SIM2: variants seen among roughly 807,000 people sequenced by gnomAD.
The protein encoded by SIM2 is single-minded homolog 2.
A neutral mutation model predicts 64.8 loss-of-function variants in SIM2; 28 were observed. The observed-to-expected ratio is 0.43, with a 90% confidence interval of 0.32 to 0.59. The LOEUF is 0.59. Ranked by LOEUF, SIM2 falls within the 20% of genes least tolerant of loss-of-function variation. The pLI is 0.07. For synonymous variants in SIM2, 408 were observed against 391.1 expected, an observed-to-expected ratio of 1.04 and a Z score of -0.51; for missense variants, 847 against 871.4, an observed-to-expected ratio of 0.97 and a Z score of 0.35.
In SIM2 at chr21:36,741,827, C is replaced by T. The variant is rs1364208218; in HGVS notation, c.961C>T (p.Arg321Trp). Residue 321 changes from arginine (R) to tryptophan (W), a missense_variant, in exon 8 of 11, where the codon CGG (arginine) becomes TGG (tryptophan). Coordinates refer to ENST00000290399, the MANE Select transcript of SIM2 (RefSeq NM_005069.6). The stretch of plus-strand genomic sequence containing the variant: ...CGTGGTGCACAACAGCCGCTCGTCC[C>T]GGCCCCACTGCATCGTGAGTGTCAA... ...ATVVHNSRSS[R>W]PHCIVSVNYV... 6.8e-6 allele frequency: 11 copies of T among 1,606,782 alleles called. No homozygotes were observed. The highest frequency in any genetic ancestry group is 2.7e-5 in the African/African-American group (2 of 74,978).
intron 7 of SIM2, among the ~76,000 whole-genome samples, chr21:36,741,071 A>G (rs2089152849): frequency 6.6e-6 from 1 of 152,186 alleles, no homozygotes; most frequent in Admixed American, 6.5e-5. Flanking sequence ...TGGAGTTTGC[A>G]CCCAAGCATA....
chr21:36,723,276 C>T, intron 5 of SIM2, 146 bp downstream of exon 5: 2 of 664,264 alleles, frequency 3.0e-6, no homozygotes, highest in Non-Finnish European at 5.4e-6. Context: ...TGCACAGTCT[C>T]TTGGAGGCTC....
intron 7 of SIM2, among the ~76,000 whole-genome samples, chr21:36,739,090 T>C (rs1478289427): frequency 1.3e-5 from 2 of 151,878 alleles, no homozygotes; most frequent in Non-Finnish European, 2.9e-5. Flanking sequence ...TCCTCCTCGT[T>C]GGAAATTTAG....
rs2089217857 is a variant in SIM2, at chr21:36,745,431, G to A, written c.1576+295G>A. The A allele has an allele frequency of 7.8e-6, 10 of 1,278,106 alleles. No individual in the cohort carries two copies. In the South Asian group the frequency reaches 1.1e-4, roughly 14 times the overall value. The allele number at this position is 1,278,106 out of a possible 1,614,324, so 79.2% of individuals were successfully genotyped here. On this transcript the variant is annotated intron_variant, in intron 10 of 10. Coordinates refer to ENST00000290399, the MANE Select transcript of SIM2 (RefSeq NM_005069.6). This position sits in a 1 kb window ranked among gnomAD's most constrained non-coding sequence, Gnocchi z 4.8. ...CTGGCCACATTCACCAACCAAAGGG[G>A]GACAGTGATTTTCAAAACCAGCTCC...
chr21:36,728,054 C>T (rs993761213), intron 6 of SIM2, among the ~76,000 whole-genome samples: 3 of 152,126 alleles, frequency 2.0e-5, no homozygotes, highest in East Asian at 3.9e-4. Context: ...CGGCCAAGAG[C>T]GACAAATGCC....
chr21:36,701,610 G>A (rs2088498996), intron 1 of SIM2: 1 of 152,500 alleles, frequency 6.6e-6, no homozygotes, highest in African/African-American at 2.4e-5. Context: ...GCCCAGGGCA[G>A]GTTCCTCCCT....
At chr21:36,734,213 C>G (rs1252667456) in intron 7 of SIM2, among the ~76,000 whole-genome samples, 1 of 152,184 alleles carries the variant, frequency 6.6e-6, no homozygotes, top group East Asian at 1.9e-4. Flanking sequence ...CTGAGCTTGC[C>G]TGGCTCACCA....
At chr21:36,714,692 A>T (rs887887138) in intron 3 of SIM2, among the ~76,000 whole-genome samples, 6 of 152,232 alleles carry the variant, frequency 3.9e-5, no homozygotes, top group African/African-American at 1.4e-4. Context: ...GGTACTGTGC[A>T]CATCCCAAGA....
chr21:36,743,641 T>C, intron 9 of SIM2, 86 bp downstream of exon 9: 1 of 1,284,826 alleles, frequency 7.8e-7, no homozygotes, highest in Non-Finnish European at 1.1e-6. Context: ...ATGGGGAGCC[T>C]CTCATTGCAC....
chr21:36,746,531 A>G (rs1003560646), intron 10 of SIM2, among the ~76,000 whole-genome samples: 1 of 152,132 alleles, frequency 6.6e-6, no homozygotes, highest in Non-Finnish European at 1.5e-5. Flanking sequence ...CCCAAATCTG[A>G]GAAGAGAGAT....
At chr21:36,715,436 C>T (rs1437494533) in intron 3 of SIM2, among the ~76,000 whole-genome samples, 1 of 152,046 alleles carries the variant, frequency 6.6e-6, no homozygotes, top group East Asian at 1.9e-4. Context: ...TTAAAATGGG[C>T]TTAAACATTT....
chr21:36,701,582 G>A (rs1026861461), intron 1 of SIM2: 1 of 152,402 alleles, frequency 6.6e-6, no homozygotes, highest in South Asian at 2.1e-4. Flanking sequence ...CTCTCCTCTC[G>A]GGCGCAGCGG....
chr21:36,740,531 G>A (rs1483321740), intron 7 of SIM2, among the ~76,000 whole-genome samples: 3 of 152,098 alleles, frequency 2.0e-5, no homozygotes, highest in South Asian at 2.1e-4. Flanking sequence ...GAATAACTCC[G>A]TGCAGCATTT....
intron 7 of SIM2, among the ~76,000 whole-genome samples, chr21:36,737,711 C>T (rs954746818): frequency 1.3e-5 from 2 of 152,084 alleles, no homozygotes; most frequent in Non-Finnish European, 2.9e-5. Flanking sequence ...ATTTCAATGT[C>T]CACTTTGGGA....
chr21:36,705,244 G>T (rs11909356), intron 1 of SIM2, among the ~76,000 whole-genome samples: 23,478 of 152,254 alleles, frequency 0.15, 2,209 homozygotes, highest in South Asian at 0.24. Context: ...ATATGTGCTT[G>T]CGTGGAGCAG....
rs753037602 is a variant in SIM2 at position 36,726,279 on chromosome 21, G to C, written c.704G>C (p.Arg235Thr). 3.1e-6 allele frequency: 5 copies of C among 1,613,724 alleles called. No individual in the cohort carries two copies. In the South Asian group the frequency reaches 5.5e-5, roughly 18 times the overall value. Residue 235 changes from arginine (R) to threonine (T), a missense_variant, in exon 6 of 11, where the codon AGG becomes ACG. Physicochemically the swap from Arg to Thr is moderately conservative, Grantham distance 71. Around this residue, in one of 3 missense-constraint regions of SIM2, gnomAD observed 397 missense variants for 439.2 expected, o/e 0.90. Coordinates refer to ENST00000290399, the MANE Select transcript of SIM2 (RefSeq NM_005069.6). The surrounding 1 kb of genome is among the most constrained non-coding windows in gnomAD (Gnocchi z 4.5). Reference protein sequence around the residue: ...IKLYSNMFMFRASLDLKLIFL... With the variant: ...IKLYSNMFMFTASLDLKLIFL... ...CTGTACAGTAACATGTTCATGTTCA[G>C]GGCCAGCCTTGACCTGAAGCTGATA... is the stretch of plus-strand genomic sequence containing the variant.
chr21:36,703,405 T>A (rs2088534066), intron 1 of SIM2, among the ~76,000 whole-genome samples: 1 of 151,964 alleles, frequency 6.6e-6, no homozygotes, highest in African/African-American at 2.4e-5. Flanking sequence ...AAGGGTGAGG[T>A]CCCACAAGCA....
chr21:36,730,119 G>A (rs1244241553), intron 6 of SIM2, among the ~76,000 whole-genome samples: 1 of 152,130 alleles, frequency 6.6e-6, no homozygotes, highest in Non-Finnish European at 1.5e-5. Context: ...CCCAATAGTG[G>A]GAATCACCCA....
At chr21:36,719,974 C>T (rs199953618) in intron 4 of SIM2, 45 bp downstream of exon 4, 44 of 1,332,024 alleles carry the variant, frequency 3.3e-5, no homozygotes, top group East Asian at 1.1e-4. Flanking sequence ...AAAAGCAAGG[C>T]GACATTCTTA....
Sources: gnomAD v4.1 joint callset for allele counts (sites outside exome capture counted in the v4.1 genomes callset) on GRCh38, gnomAD v4.1.1 for gene constraint, gnomAD v4.1.1 regional missense constraint, Gnocchi (gnomAD v3.1) non-coding constraint, MANE v1.5 for transcripts, NCBI Gene and HGNC (gene_info 2026-07-23, HGNC 2026-07-21) for gene names.